Variants in KRABD2 observed in about 807,000 individuals in gnomAD.
The protein encoded by KRABD2 is KRAB domain-containing protein 2.
chr17:8,376,528 C>T, the KRABD2 span: 22 of 990,032 alleles, frequency 2.2e-5, no homozygotes, highest in Non-Finnish European at 2.5e-5. Context: ...ACTTCGCAGA[C>T]TGCTCCCACC....
the KRABD2 span, chr17:8,359,542 T>C: frequency 6.6e-6 from 3 of 455,596 alleles, no homozygotes; most frequent in African/African-American, 6.0e-5. Context: ...ACATACTTAG[T>C]GCTTATAAAT....
the KRABD2 span, among the ~76,000 whole-genome samples, chr17:8,374,827 T>TC: frequency 7.1e-6 from 1 of 141,150 alleles, no homozygotes; most frequent in Non-Finnish European, 1.5e-5. Flanking sequence ...GCGCCTGTAG[T>TC]CCCAGGAGGC....
chr17:8,375,536 ATTT>A, the KRABD2 span, among the ~76,000 whole-genome samples: 9 of 141,172 alleles, frequency 6.4e-5, no homozygotes, highest in Non-Finnish European at 6.1e-5. Context: ...TTTTTCTTTC[ATTT>A]TTTTTTTTTT....
At chr17:8,371,458 G>A in the KRABD2 span, 1 of 1,614,048 alleles carries the variant, frequency 6.2e-7, no homozygotes, top group Non-Finnish European at 8.5e-7. Flanking sequence ...GGACCATATA[G>A]TCTTGGGGCC....
chr17:8,362,666 C>T, the KRABD2 span, among the ~76,000 whole-genome samples: 2 of 152,270 alleles, frequency 1.3e-5, no homozygotes, highest in South Asian at 2.1e-4. This position sits in a 1 kb window ranked among gnomAD's most constrained non-coding sequence, Gnocchi z 4.2. Context: ...ATTGAATGGA[C>T]GATGAACTGG....
chr17:8,376,178 A>G, the KRABD2 span: 240 of 1,231,692 alleles, frequency 1.9e-4, 1 homozygote, highest in East Asian at 1.9e-3. Context: ...AGCTGAGCAC[A>G]AAAGATGTTT....
chr17:8,374,928 ACT>A, the KRABD2 span, among the ~76,000 whole-genome samples: 7 of 91,278 alleles, frequency 7.7e-5, no homozygotes, highest in Non-Finnish European at 1.5e-4. Context: ...ACAGAGCCAG[ACT>A]CTGTCACAAA....
the KRABD2 span, chr17:8,368,881 C>A: frequency 2.1e-6 from 1 of 478,388 alleles, no homozygotes; most frequent in Non-Finnish European, 3.6e-6. Context: ...AAGTGACCCG[C>A]CCACCTTGGC....
At chr17:8,372,043 C>A in the KRABD2 span, 1 of 985,424 alleles carries the variant, frequency 1.0e-6, no homozygotes, top group Non-Finnish European at 1.2e-6. The surrounding 1 kb of genome is among the most constrained non-coding windows in gnomAD (Gnocchi z 4.1). Flanking sequence ...TCCCGAGATC[C>A]CAGCTGTCAG....
chr17:8,376,498 T>C, the KRABD2 span: 1 of 1,000,132 alleles, frequency 1.0e-6, no homozygotes. Flanking sequence ...TCGCCTCCTT[T>C]GTGTAGCCTT....
the KRABD2 span, chr17:8,370,092 A>G: frequency 3.7e-6 from 6 of 1,614,098 alleles, no homozygotes; most frequent in African/African-American, 1.3e-5. Context: ...AGTAGCCTCT[A>G]TCAGTTTCTC....
the KRABD2 span, chr17:8,375,923 T>C: frequency 8.1e-7 from 1 of 1,229,752 alleles, no homozygotes; most frequent in Middle Eastern, 3.1e-4. Flanking sequence ...CCTTGGCTGT[T>C]TCCGACTCGG....
At chr17:8,369,030 T>C in the KRABD2 span, 2 of 1,481,350 alleles carry the variant, frequency 1.4e-6, no homozygotes, top group Non-Finnish European at 1.8e-6. Flanking sequence ...CAACTTGACC[T>C]GAGAGTGCAG....
chr17:8,371,276 C>T, the KRABD2 span: 4 of 1,517,286 alleles, frequency 2.6e-6, no homozygotes, highest in South Asian at 1.2e-5. Flanking sequence ...CAATTGTCCA[C>T]AAGATTAATA....
the KRABD2 span, among the ~76,000 whole-genome samples, chr17:8,365,924 G>A: frequency 4.6e-5 from 7 of 152,114 alleles, no homozygotes; most frequent in East Asian, 1.9e-4. Flanking sequence ...TCAGGCATTC[G>A]AGACCAGCCT....
the KRABD2 span, chr17:8,376,551 G>A: frequency 1.0e-5 from 10 of 987,654 alleles, no homozygotes; most frequent in Non-Finnish European, 1.2e-5. Flanking sequence ...CTGGATCCAT[G>A]CCCGTCCACC....
chr17:8,370,295 A>C, the KRABD2 span: 2 of 1,612,092 alleles, frequency 1.2e-6, no homozygotes, highest in African/African-American at 2.7e-5. Flanking sequence ...CTCTCATGTT[A>C]CTTATCTCCA....
the KRABD2 span, among the ~76,000 whole-genome samples, chr17:8,364,013 C>T: frequency 6.6e-6 from 1 of 151,238 alleles, no homozygotes; most frequent in African/African-American, 2.4e-5. This position sits in a 1 kb window ranked among gnomAD's most constrained non-coding sequence, Gnocchi z 4.4. Flanking sequence ...GGATTACAGG[C>T]GCCTGCCACC....
At chr17:8,367,078 G>A in the KRABD2 span, 1 of 152,004 alleles carries the variant, frequency 6.6e-6, no homozygotes, top group Non-Finnish European at 1.5e-5. Context: ...GTGTCTGAGG[G>A]GCAGGAATAT....
Sources: allele counts gnomAD v4.1 joint callset (sites outside exome capture counted in the v4.1 genomes callset), GRCh38; gene constraint gnomAD v4.1.1; non-coding constraint Gnocchi (gnomAD v3.1); transcripts MANE v1.5; gene names NCBI Gene and HGNC (gene_info 2026-07-23, HGNC 2026-07-21).